DMD: variants seen among roughly 807,000 people sequenced by gnomAD.
The protein encoded by DMD is dystrophin.
In DMD, 63 loss-of-function variants were observed where a neutral mutation model predicts 330.1. The observed-to-expected ratio is 0.19, with a 90% confidence interval of 0.16 to 0.24. DMD has a LOEUF of 0.24. Among genes scored for constraint, DMD ranks in the 10% least tolerant of loss-of-function variants. The pLI is 1.00. For synonymous variants in DMD, 1,223 were observed against 959.8 expected, an observed-to-expected ratio of 1.27 and a Z score of -5.07; for missense variants, 3,344 against 2,684.1, an observed-to-expected ratio of 1.25 and a Z score of -5.43.
chrX:32,566,437 C>T (rs1327915271), intron 15 of DMD, among the ~76,000 whole-genome samples: 5 of 112,195 alleles, frequency 4.5e-5, no homozygotes, highest in Non-Finnish European at 9.4e-5. Context: ...GAGATAAAAT[C>T]TCATTATGTG....
At chrX:32,246,772 T>TGAC (rs1305723462) in intron 43 of DMD, among the ~76,000 whole-genome samples, 1 of 110,220 alleles carries the variant, frequency 9.1e-6, no homozygotes, top group Non-Finnish European at 1.9e-5. Flanking sequence ...TAGTATTCTC[T>TGAC]GACGGTAGTT....
At chrX:31,786,963 T>C (rs1027521217) in intron 50 of DMD, among the ~76,000 whole-genome samples, 1 of 112,547 alleles carries the variant, frequency 8.9e-6, no homozygotes, top group Non-Finnish European at 1.9e-5. Context: ...TCAGAGACTG[T>C]TGCCAAGGAA....
At chrX:31,366,969 T>C (rs1450206856) in intron 60 of DMD, among the ~76,000 whole-genome samples, 1 of 111,475 alleles carries the variant, frequency 9.0e-6, no homozygotes, top group Non-Finnish European at 1.9e-5. Flanking sequence ...CAGCAGTCTG[T>C]CTTCAGCATG....
At chrX:32,108,937 T>C (rs1331804240) in intron 44 of DMD, among the ~76,000 whole-genome samples, 1 of 111,675 alleles carries the variant, frequency 9.0e-6, no homozygotes, top group African/African-American at 3.2e-5. Flanking sequence ...AATTCATATT[T>C]ATATAACAGG....
intron 2 of DMD, among the ~76,000 whole-genome samples, chrX:32,932,858 C>A (rs1443500700): frequency 1.8e-5 from 2 of 111,923 alleles, no homozygotes; most frequent in Non-Finnish European, 3.8e-5. Flanking sequence ...GTGATCTCTG[C>A]CAGCTGGAGC....
At chrX:31,569,492 C>T (rs953390104) in intron 55 of DMD, among the ~76,000 whole-genome samples, 1 of 106,264 alleles carries the variant, frequency 9.4e-6, no homozygotes, top group African/African-American at 3.4e-5. Flanking sequence ...CAATAGATTC[C>T]TGCCCTACAG....
chrX:33,163,562 A>C (rs188590368), intron 1 of DMD, among the ~76,000 whole-genome samples: 6 of 104,517 alleles, frequency 5.7e-5, no homozygotes, highest in Admixed American at 4.2e-4. Flanking sequence ...GTATATATAT[A>C]TATATATATA....
intron 1 of DMD, among the ~76,000 whole-genome samples, chrX:33,251,079 C>T (rs1450495635): frequency 1.8e-5 from 2 of 110,426 alleles, no homozygotes; most frequent in Admixed American, 9.7e-5. Flanking sequence ...TTGCTGAGCC[C>T]GTACTTTGGA....
chrX:32,439,410 C>G (rs1019888727), intron 28 of DMD, among the ~76,000 whole-genome samples: 3 of 111,051 alleles, frequency 2.7e-5, no homozygotes, highest in African/African-American at 9.8e-5. Context: ...TTGAGTAGAA[C>G]AATGTGATTG....
chrX:31,497,155 C>T (rs1166493903), intron 56 of DMD, among the ~76,000 whole-genome samples: 1 of 112,220 alleles, frequency 8.9e-6, no homozygotes, highest in Non-Finnish European at 1.9e-5. Flanking sequence ...TGTTTATTTC[C>T]ACATGCAGAA....
intron 43 of DMD, among the ~76,000 whole-genome samples, chrX:32,244,360 T>C (rs1372868242): frequency 7.6e-4 from 69 of 91,031 alleles, no homozygotes; most frequent in African/African-American, 2.5e-3. Flanking sequence ...CAGTCTATCA[T>C]TGTTGGACAT....
chrX:32,143,581 C>T (rs775375935), intron 44 of DMD, among the ~76,000 whole-genome samples: 2 of 107,784 alleles, frequency 1.9e-5, no homozygotes, highest in African/African-American at 3.4e-5. Context: ...CTCCCTCTGT[C>T]GCCCAGGCTG....
chrX:32,421,406 T>C (rs1379443670), intron 29 of DMD, among the ~76,000 whole-genome samples: 1 of 110,196 alleles, frequency 9.1e-6, no homozygotes, highest in East Asian at 2.8e-4. Context: ...GGATGGGATG[T>C]GCACCTTGAA....
intron 59 of DMD, among the ~76,000 whole-genome samples, chrX:31,460,309 C>G (rs187739158): frequency 9.0e-6 from 1 of 111,192 alleles, no homozygotes; most frequent in African/African-American, 3.3e-5. Flanking sequence ...ATACCCTCCC[C>G]CTGAACACAG....
At chrX:32,877,236 G>C (rs185880694) in intron 2 of DMD, among the ~76,000 whole-genome samples, 70 of 112,087 alleles carry the variant, frequency 6.2e-4, no homozygotes, top group African/African-American at 2.0e-3. Flanking sequence ...TGACTGACAA[G>C]AACTCAAAAT....
intron 2 of DMD, among the ~76,000 whole-genome samples, chrX:33,018,171 T>C (rs1485883587): frequency 1.8e-5 from 2 of 112,068 alleles, no homozygotes; most frequent in Non-Finnish European, 3.8e-5. Flanking sequence ...TCTGTCTTTG[T>C]AAACTTTTAT....
intron 12 of DMD, among the ~76,000 whole-genome samples, chrX:32,610,527 A>T (rs558109359): frequency 1.8e-5 from 2 of 111,558 alleles, no homozygotes; most frequent in South Asian, 7.4e-4. Flanking sequence ...ATACAGAAGC[A>T]TATCTGTAAT....
At chrX:32,928,336 G>A (rs1156234197) in intron 2 of DMD, among the ~76,000 whole-genome samples, 3 of 109,556 alleles carry the variant, frequency 2.7e-5, no homozygotes, top group South Asian at 3.9e-4. Flanking sequence ...TATGCTCTTC[G>A]TCATAAAAAT....
intron 56 of DMD, 111 bp downstream of exon 56, chrX:31,507,170 T>C (rs1351949262): frequency 2.7e-6 from 2 of 731,582 alleles, no homozygotes; most frequent in African/African-American, 4.2e-5. Flanking sequence ...CATTCTGAAA[T>C]TGGATGATTT....
Sources: gnomAD v4.1 joint callset for allele counts (sites outside exome capture counted in the v4.1 genomes callset) on GRCh38, gnomAD v4.1.1 for gene constraint, MANE v1.5 for transcripts, NCBI Gene and HGNC (gene_info 2026-07-23, HGNC 2026-07-21) for gene names.